Variants in CECR2 observed in about 807,000 individuals in gnomAD.
The protein encoded by CECR2 is chromatin remodeling regulator CECR2.
Under a neutral mutation model 154.5 loss-of-function variants are expected in CECR2, and 30 were observed. The observed-to-expected ratio is 0.19, with a 90% CI of 0.15 to 0.26. The LOEUF (loss-of-function observed/expected upper bound fraction) is 0.26. Among genes scored for constraint, CECR2 ranks in the 10% least tolerant of loss-of-function variants. The pLI is 1.00. For missense variants in CECR2, 1,743 were observed against 1,829.3 expected (o/e 0.95, Z 0.86); for synonymous variants, 725 against 683.7 (o/e 1.06, Z -0.94).
At chr22:17,423,130 A>T (rs1333122539) in intron 1 of CECR2, among the ~76,000 whole-genome samples, 1 of 152,066 alleles carries the variant, frequency 6.6e-6, no homozygotes, top group African/African-American at 2.4e-5. Context: ...GCCTTTAGCA[A>T]TGTGGTGGTG....
intron 1 of CECR2, chr22:17,418,973 C>A: frequency 5.0e-6 from 1 of 201,798 alleles, no homozygotes; most frequent in South Asian, 6.8e-5. Context: ...GGCTGGGCCC[C>A]GCCTCGCCTC....
intron 1 of CECR2, among the ~76,000 whole-genome samples, chr22:17,466,794 A>G (rs1210788744): frequency 6.6e-6 from 1 of 152,018 alleles, no homozygotes; most frequent in Admixed American, 6.5e-5. Context: ...AGGGTTTCAC[A>G]TGTTGGTCAG....
At chr22:17,518,721 G>A (rs983071903) in intron 8 of CECR2, 2 of 416,850 alleles carry the variant, frequency 4.8e-6, no homozygotes, top group South Asian at 2.0e-5. Context: ...AGTTGGCACA[G>A]CAGGATCCTG....
At chr22:17,367,737 G>A (rs1013913837), upstream of CECR2, among the ~76,000 whole-genome samples, 1 of 152,220 alleles carries the variant, frequency 6.6e-6, no homozygotes, top group African/African-American at 2.4e-5. Context: ...GGAAATAAAA[G>A]ACGGAGAAGC....
chr22:17,514,861 G>A (rs568661608), intron 8 of CECR2, among the ~76,000 whole-genome samples: 21 of 151,926 alleles, frequency 1.4e-4, no homozygotes, highest in Middle Eastern at 6.8e-3. Flanking sequence ...ATGAAACCCC[G>A]TCTCTACTAA....
At chr22:17,507,305 C>T (rs1250941513) in intron 7 of CECR2, among the ~76,000 whole-genome samples, 2 of 152,212 alleles carry the variant, frequency 1.3e-5, no homozygotes, top group Non-Finnish European at 2.9e-5. Context: ...ACCTCCGTTT[C>T]ACCATCGGTG....
At chr22:17,534,304 C>G (rs1415852763) in intron 9 of CECR2, among the ~76,000 whole-genome samples, 1 of 152,072 alleles carries the variant, frequency 6.6e-6, no homozygotes, top group African/African-American at 2.4e-5. Flanking sequence ...ACCCCTGTCT[C>G]TTGGGAGAGA....
chr22:17,448,079 A>T (rs2146689389), intron 1 of CECR2, among the ~76,000 whole-genome samples: 1 of 152,348 alleles, frequency 6.6e-6, no homozygotes, highest in Middle Eastern at 3.4e-3. Context: ...GAGAAAATAC[A>T]AATAGATATT....
intron 4 of CECR2, 44 bp from the exon 5 acceptor site, chr22:17,500,587 G>A (rs1282745359): frequency 7.3e-7 from 1 of 1,362,810 alleles, no homozygotes; most frequent in Admixed American, 2.2e-5. Flanking sequence ...ATGTAGCAAT[G>A]CCAATCCTGT....
rs771388012 is a variant in CECR2, at chr22:17,542,455, C to G, written c.2312C>G (p.Ser771Cys). The G allele has an allele frequency of 6.2e-7, 1 of 1,614,004 alleles. No individual in the cohort carries two copies. The highest frequency in any genetic ancestry group is 2.2e-5 in the East Asian group (1 of 44,872). ...TACAAGTACCTGAATCGAGTACACT[C>G]TGCCGTCTGGAATGGGAACCATGGT... The part of the protein sequence containing the change: ...RSYKYLNRVH[S>C]AVWNGNHGAT... The change falls in exon 16 of 19, where the codon TCT becomes TGT. Residue 771 changes from serine (S) to cysteine (C), a missense_variant. This residue lies in a region of CECR2 where 1,250 missense variants were observed against 1,192.1 expected (regional missense o/e 1.05). Coordinates refer to ENST00000262608, the MANE Select transcript of CECR2 (RefSeq NM_001290047.2).
intron 1 of CECR2, among the ~76,000 whole-genome samples, chr22:17,464,110 A>G (rs546512564): frequency 1.9e-4 from 29 of 152,352 alleles, no homozygotes; most frequent in African/African-American, 7.0e-4. Flanking sequence ...TGTTTGCATC[A>G]CTAATACTGG....
intron 1 of CECR2, among the ~76,000 whole-genome samples, chr22:17,391,029 T>C (rs186979091): frequency 7.7e-4 from 117 of 152,354 alleles, no homozygotes; most frequent in Admixed American, 1.3e-3. Context: ...GTTAACACTT[T>C]TGCCACATTG....
intron 1 of CECR2, among the ~76,000 whole-genome samples, chr22:17,410,426 A>G (rs892417881): frequency 6.6e-6 from 1 of 151,946 alleles, no homozygotes; most frequent in Non-Finnish European, 1.5e-5. Context: ...TTTGTATAAT[A>G]AAAACAAGCG....
chr22:17,475,741 G>A (rs2055198087), intron 1 of CECR2, among the ~76,000 whole-genome samples: 2 of 152,108 alleles, frequency 1.3e-5, no homozygotes, highest in African/African-American at 4.8e-5. Context: ...TCACTGGGAG[G>A]CTTGCCCAGT....
chr22:17,461,426 A>G (rs1411422167), intron 1 of CECR2, among the ~76,000 whole-genome samples: 2 of 152,226 alleles, frequency 1.3e-5, no homozygotes, highest in African/African-American at 2.4e-5. Context: ...TCAGGCAGAA[A>G]AATAGATACA....
intron 1 of CECR2, among the ~76,000 whole-genome samples, chr22:17,475,628 C>T (rs575318406): frequency 1.8e-4 from 27 of 152,186 alleles, no homozygotes; most frequent in South Asian, 1.0e-3. Flanking sequence ...AATGGAAATA[C>T]GTGATCTGTA....
intron 1 of CECR2, among the ~76,000 whole-genome samples, chr22:17,416,634 C>T (rs1456504958): frequency 2.6e-5 from 4 of 152,014 alleles, no homozygotes; most frequent in Admixed American, 6.6e-5. Context: ...CCCTAGTAGC[C>T]GGGATTACAG....
At chr22:17,467,750 C>T (rs936503279) in intron 1 of CECR2, among the ~76,000 whole-genome samples, 2 of 151,998 alleles carry the variant, frequency 1.3e-5, no homozygotes, top group African/African-American at 4.8e-5. Flanking sequence ...CCATTGCACT[C>T]CAGCCTGCAC....
intron 1 of CECR2, chr22:17,424,245 C>CT (rs113256014): frequency 7.5e-4 from 111 of 147,568 alleles, no homozygotes; most frequent in African/African-American, 2.1e-3. Context: ...GCCATGGTTA[C>CT]TTTTTTTTTT....
Sources: gnomAD v4.1 joint callset for allele counts (sites outside exome capture counted in the v4.1 genomes callset) on GRCh38, gnomAD v4.1.1 for gene constraint, gnomAD v4.1.1 regional missense constraint, MANE v1.5 for transcripts, NCBI Gene and HGNC (gene_info 2026-07-23, HGNC 2026-07-21) for gene names.